RGS20: variants seen among roughly 807,000 people sequenced by gnomAD.
The protein encoded by RGS20 is regulator of G protein signaling 20.
Under a neutral mutation model 33.6 loss-of-function variants are expected in RGS20, and 30 were observed. That is an observed-to-expected ratio of 0.89 (90% CI 0.67 to 1.21). RGS20 has a LOEUF of 1.21. RGS20 is among the 50% of genes most tolerant of loss of function. The pLI is 0.00. For synonymous variants in RGS20, 208 were observed against 197.9 expected (o/e 1.05, Z -0.43); for missense variants, 472 against 502.4 (o/e 0.94, Z 0.58).
At chr8:53,906,669 T>C (rs1813189110) in intron 2 of RGS20, among the ~76,000 whole-genome samples, 1 of 152,232 alleles carries the variant, frequency 6.6e-6, no homozygotes, top group South Asian at 2.1e-4. Context: ...ATTCCTGGAA[T>C]ATCGCAGTGC....
chr8:53,929,328 C>T (rs1056463081), intron 2 of RGS20, among the ~76,000 whole-genome samples: 2 of 152,116 alleles, frequency 1.3e-5, no homozygotes, highest in African/African-American at 2.4e-5. Context: ...CTCAATAAAG[C>T]TGTTTTTAAA....
chr8:53,902,277 G>A (rs1303049768), intron 2 of RGS20, among the ~76,000 whole-genome samples: 2 of 152,190 alleles, frequency 1.3e-5, no homozygotes, highest in Non-Finnish European at 2.9e-5. Context: ...TGGGATTACA[G>A]GCATGAGCCA....
intron 3 of RGS20, among the ~76,000 whole-genome samples, chr8:53,942,851 C>G (rs1814346124): frequency 6.6e-6 from 1 of 151,154 alleles, no homozygotes; most frequent in Non-Finnish European, 1.5e-5. Flanking sequence ...AAAAAGTTAG[C>G]CCGGCATGGT....
intron 1 of RGS20, among the ~76,000 whole-genome samples, chr8:53,861,412 G>T (rs1034139407): frequency 6.6e-6 from 1 of 152,204 alleles, no homozygotes; most frequent in Non-Finnish European, 1.5e-5. Context: ...TTACCTGTAA[G>T]TTATCAACAA....
At position 53,859,849 on chromosome 8, in the gene RGS20, G is replaced by A. The variant is rs1230593728; in HGVS notation, c.165+7785G>A. On this transcript the variant is annotated intron_variant, in intron 1 of 5. Coordinates refer to ENST00000297313, the MANE Select transcript of RGS20 (RefSeq NM_170587.4). ...CCTTTATAAAGCCGTCGGATCTCATGAGACTTATTCACTATCATGAGAACA... is the reference window on the plus strand; with the variant it reads ...CCTTTATAAAGCCGTCGGATCTCATAAGACTTATTCACTATCATGAGAACA... Among the ~76,000 whole-genome samples the A allele has an allele frequency of 2.0e-5, 3 of 152,184 alleles. No homozygotes were observed. The East Asian group carries it at 5.8e-4, about 29-fold the overall frequency.
chr8:53,860,613 C>T (rs1489631811), intron 1 of RGS20, among the ~76,000 whole-genome samples: 1 of 152,208 alleles, frequency 6.6e-6, no homozygotes, highest in Non-Finnish European at 1.5e-5. Context: ...TCCATGTTCT[C>T]ATTCCAAATT....
rs77377584 is a variant in RGS20 at position 53,943,267 on chromosome 8, A to G, written c.660-3398A>G. Among the ~76,000 whole-genome samples the G allele has an allele frequency of 1.9e-3, 283 of 152,246 alleles. 8 individuals are homozygous for G. In the East Asian group the frequency reaches 0.035, roughly 19 times the overall value. On this transcript the variant is annotated intron_variant, in intron 3 of 5. Coordinates refer to ENST00000297313, the MANE Select transcript of RGS20 (RefSeq NM_170587.4). ...TTCACCACACTTTTGAGATTTATCC[A>G]TATTAATATACATAGTCAAGTCAAT... is the stretch of plus-strand genomic sequence containing the variant.
chr8:53,947,319 A>AT (rs1340888299), intron 4 of RGS20, among the ~76,000 whole-genome samples: 121 of 139,334 alleles, frequency 8.7e-4, no homozygotes, highest in African/African-American at 2.9e-3. Context: ...TAGTATATAT[A>AT]TTATATATGC....
intron 2 of RGS20, among the ~76,000 whole-genome samples, chr8:53,917,122 C>G (rs73589241): frequency 0.055 from 8,278 of 151,886 alleles, 676 homozygotes; most frequent in African/African-American, 0.18. Flanking sequence ...CACCTACTTT[C>G]TTTTTGTTTG....
chr8:53,868,345 A>C (rs548968648), intron 1 of RGS20, among the ~76,000 whole-genome samples: 117 of 152,318 alleles, frequency 7.7e-4, no homozygotes, highest in Non-Finnish European at 9.0e-4. Context: ...AGTCATCAGC[A>C]TCAGTTAACA....
intron 2 of RGS20, among the ~76,000 whole-genome samples, chr8:53,928,645 G>T (rs1813867841): frequency 6.6e-6 from 1 of 151,982 alleles, no homozygotes; most frequent in African/African-American, 2.4e-5. Flanking sequence ...CCAAAATGGA[G>T]AAACCCCATC....
intron 1 of RGS20, among the ~76,000 whole-genome samples, chr8:53,870,008 G>A (rs988830163): frequency 2.0e-5 from 3 of 152,172 alleles, no homozygotes; most frequent in Admixed American, 2.0e-4. Flanking sequence ...CAGATGTTGG[G>A]CAGATGGGGG....
chr8:53,890,829 G>T (rs1416770952), intron 2 of RGS20, among the ~76,000 whole-genome samples: 1 of 152,124 alleles, frequency 6.6e-6, no homozygotes, highest in Non-Finnish European at 1.5e-5. Context: ...ATGGGGTCTC[G>T]CTATGTTACC....
At chr8:53,946,353 G>A (rs558887699) in intron 3 of RGS20, among the ~76,000 whole-genome samples, 43 of 152,152 alleles carry the variant, frequency 2.8e-4, no homozygotes, top group East Asian at 7.7e-4. Context: ...ATGAGCCACC[G>A]CGCCGAACCC....
chr8:53,873,939 C>T (rs1563349027), intron 1 of RGS20, among the ~76,000 whole-genome samples: 1 of 152,140 alleles, frequency 6.6e-6, no homozygotes, highest in African/African-American at 2.4e-5. Flanking sequence ...TGGCTCACAC[C>T]TGTAATCCCA....
Position 53,851,869 on chromosome 8 carries a change from A to C in RGS20, c.-31A>C. 1 of 1,609,494 alleles carries C rather than the reference A, an allele frequency of 6.2e-7. No homozygotes were observed. Among genetic ancestry groups the C allele is most frequent in the Non-Finnish European group, 8.5e-7 (1 of 1,177,512 alleles). On this transcript the variant is annotated 5_prime_UTR_variant, in exon 1 of 6. Transcript: ENST00000297313. ...GCTAATATTGGGAAAACCAGGCAAC[A>C]GGACTCATTTGGGGCCTTTATTGTG...
intron 1 of RGS20, among the ~76,000 whole-genome samples, chr8:53,853,869 A>G (rs1287961225): frequency 6.6e-6 from 1 of 152,224 alleles, no homozygotes; most frequent in African/African-American, 2.4e-5. Context: ...TAGGGGAGGA[A>G]TATGATCACT....
intron 1 of RGS20, among the ~76,000 whole-genome samples, chr8:53,853,829 T>G (rs1811617613): frequency 1.3e-5 from 2 of 152,192 alleles, no homozygotes; most frequent in Non-Finnish European, 2.9e-5. Flanking sequence ...CCTACATAAT[T>G]ATTGTATATT....
Position 53,937,831 on chromosome 8 carries a change from G to T in RGS20, c.511-1745G>T, listed in dbSNP as rs189467708. 6.8e-3 allele frequency among the ~76,000 whole-genome samples: 1,042 copies of T among 152,288 alleles called. 16 individuals are homozygous for T. Among genetic ancestry groups the T allele is most frequent in the Non-Finnish European group, 6.6e-3 (448 of 68,030 alleles). On this transcript the variant is annotated intron_variant, in intron 2 of 5. Transcript: ENST00000297313. The stretch of plus-strand genomic sequence containing the variant: ...GAGAAATGCAAATCAAAACCACAAT[G>T]AGATACCGTCTCATGCCAGTTAGAA...
Sources: allele counts gnomAD v4.1 joint callset (sites outside exome capture counted in the v4.1 genomes callset), GRCh38; gene constraint gnomAD v4.1.1; transcripts MANE v1.5; gene names NCBI Gene and HGNC (gene_info 2026-07-23, HGNC 2026-07-21).